CECR2: variants seen among roughly 807,000 people sequenced by gnomAD.
The protein encoded by CECR2 is CECR2 histone acetyl-lysine reader.
CECR2 carries 30 observed loss-of-function variants against 154.5 expected under a neutral mutation model. The observed-to-expected ratio is 0.19, with a 90% CI of 0.15 to 0.26. CECR2 has a LOEUF of 0.26. Among genes scored for constraint, CECR2 ranks in the 10% least tolerant of loss-of-function variants. CECR2 has a pLI of 1.00. For missense variants in CECR2, 1,743 were observed against 1,829.3 expected (o/e 0.95, Z 0.86); for synonymous variants, 725 against 683.7 (o/e 1.06, Z -0.94).
rs10558473 is a variant in CECR2 at position 17,495,861 on chromosome 22, CAAAAAAA to C, written c.222-1524_222-1518del. On this transcript the variant is annotated intron_variant, in intron 2 of 18. Coordinates refer to ENST00000262608, the MANE Select transcript of CECR2 (RefSeq NM_001290047.2). The stretch of plus-strand genomic sequence containing the variant: ...TGGGTGACAGAGCAAGACTCTGTCT[CAAAAAAA>C]AAAAAAAAAAAAAAAAAGGTATTTA... 2.7e-4 allele frequency among the ~76,000 whole-genome samples: 18 copies of C among 67,220 alleles called. No homozygotes were observed. The East Asian group carries it at 4.1e-3, about 15-fold the overall frequency. 44.1% of individuals were successfully genotyped at this position (67,220 alleles called of 152,430 possible).
rs183678514 is a variant in CECR2 at position 17,446,109 on chromosome 22, C to G, written c.127-31479C>G. On this transcript the variant is annotated intron_variant, in intron 1 of 18. Coordinates refer to ENST00000262608, the MANE Select transcript of CECR2 (RefSeq NM_001290047.2). The stretch of plus-strand genomic sequence containing the variant: ...GGAGCTTGTTTACAGATACCTCACT[C>G]CAGACCTAGATGAATCAAAATAGCC... Among the ~76,000 whole-genome samples, 92 of 152,196 alleles carry G rather than the reference C, an allele frequency of 6.0e-4. 2 individuals carry two copies. The Middle Eastern group carries it at 0.014, about 23-fold the overall frequency.
chr22:17,504,099 C>T (rs2146894624), intron 6 of CECR2, among the ~76,000 whole-genome samples: 1 of 117,458 alleles, frequency 8.5e-6, no homozygotes, highest in Middle Eastern at 5.7e-3. Context: ...AGGCCAGGTG[C>T]AGTGGCTCAC....
At chr22:17,520,400 T>A (rs899457274) in intron 8 of CECR2, among the ~76,000 whole-genome samples, 1 of 152,144 alleles carries the variant, frequency 6.6e-6, no homozygotes, top group Non-Finnish European at 1.5e-5. Context: ...GGCTCAGGTT[T>A]TTTTTTTATT....
chr22:17,523,755 CAA>C (rs66963477), intron 8 of CECR2, among the ~76,000 whole-genome samples: 17,971 of 100,610 alleles, frequency 0.18, 961 homozygotes, highest in Non-Finnish European at 0.22. Flanking sequence ...GACTCTATCT[CAA>C]AAAAAAAAAA....
chr22:17,468,524 T>G (rs2055070495), intron 1 of CECR2, among the ~76,000 whole-genome samples: 1 of 151,888 alleles, frequency 6.6e-6, no homozygotes, highest in Non-Finnish European at 1.5e-5. Context: ...TACAAAAGAT[T>G]TTTTTTTAAT....
At chr22:17,383,862 AG>A (rs2063229440) in intron 1 of CECR2, among the ~76,000 whole-genome samples, 1 of 152,016 alleles carries the variant, frequency 6.6e-6, no homozygotes, top group Non-Finnish European at 1.5e-5. Flanking sequence ...TACTATAGAC[AG>A]GGTTTCACTA....
chr22:17,407,155 C>T lies in CECR2; in HGVS notation c.126+37246C>T, dbSNP rs544422318. Among the ~76,000 whole-genome samples, 101 of 152,314 alleles carry T rather than the reference C, an allele frequency of 6.6e-4. 1 individual carries two copies. In the Middle Eastern group the frequency reaches 0.02, roughly 31 times the overall value. On this transcript the variant is annotated intron_variant, in intron 1 of 18. Coordinates refer to ENST00000262608, the MANE Select transcript of CECR2 (RefSeq NM_001290047.2). ...ATAGAAACTTAAGATAAACTCTTTT[C>T]ATAGCCACTTACTGACTTTGAGGAG...
chr22:17,492,963 CTTTATATTTTAT>C, intron 2 of CECR2, among the ~76,000 whole-genome samples: 1 of 151,942 alleles, frequency 6.6e-6, no homozygotes, highest in Non-Finnish European at 1.5e-5. Flanking sequence ...TTTTATTTTA[CTTTATATTTTAT>C]TTTATTTTAT....
intron 1 of CECR2, among the ~76,000 whole-genome samples, chr22:17,416,461 T>A (rs1460062419): frequency 6.6e-6 from 1 of 152,180 alleles, no homozygotes; most frequent in Non-Finnish European, 1.5e-5. Context: ...AAATAGGGTA[T>A]GTTGGTTAGG....
intron 9 of CECR2, among the ~76,000 whole-genome samples, chr22:17,530,402 G>A (rs550336949): frequency 5.9e-4 from 89 of 151,988 alleles, no homozygotes; most frequent in African/African-American, 2.1e-3. Context: ...GGCCAGGCGC[G>A]GTGGCTCACG....
intron 7 of CECR2, among the ~76,000 whole-genome samples, chr22:17,509,110 G>C (rs962703893): frequency 6.6e-6 from 1 of 152,180 alleles, no homozygotes; most frequent in Non-Finnish European, 1.5e-5. Context: ...AATTAGTCAG[G>C]CATGGTGATG....
chr22:17,553,205 C>A lies in CECR2; in HGVS notation c.*365C>A. 4.9e-6 allele frequency: 1 copy of A among 203,120 alleles called. No homozygotes were observed. The allele number at this position is 203,120 out of a possible 1,614,324, so 12.6% of individuals were successfully genotyped here. A position where few individuals can be genotyped will look rare whatever the true frequency, so the allele number is the denominator to read the frequency against. ...TCAAGAATGGAGTGGTGCTTTTAAA[C>A]TTTGATGAGCAGCTAAACTCAGGTA... On this transcript the variant is annotated 3_prime_UTR_variant, in exon 19 of 19. Transcript: ENST00000262608.
rs1378092326 is a variant in CECR2, at chr22:17,504,843, C to T, written c.701-4C>T. The T allele has an allele frequency of 2.5e-6, 4 of 1,610,462 alleles. No individual in the cohort carries two copies. The highest frequency in any genetic ancestry group is 3.4e-6 in the Non-Finnish European group (4 of 1,178,780). On this transcript the variant is annotated splice_polypyrimidine_tract_variant and splice_region_variant and intron_variant, in intron 6 of 18. Transcript: ENST00000262608. ...TGTAGTGAATCCGTTCCTTTATTTTCTAGGGTCCCAAGGGCCAGGCCAAGG... is the reference window on the plus strand; with the variant it reads ...TGTAGTGAATCCGTTCCTTTATTTTTTAGGGTCCCAAGGGCCAGGCCAAGG...
intron 9 of CECR2, among the ~76,000 whole-genome samples, chr22:17,529,360 C>T (rs957481881): frequency 6.6e-6 from 1 of 152,070 alleles, no homozygotes; most frequent in African/African-American, 2.4e-5. Context: ...TGAGTCCTAC[C>T]AGGTAGCCCA....
chr22:17,415,033 A>G (rs73153498), intron 1 of CECR2, among the ~76,000 whole-genome samples: 20,493 of 152,216 alleles, frequency 0.13, 1,516 homozygotes, highest in African/African-American at 0.19. Flanking sequence ...TACTTGGGGC[A>G]TAGGAGTATG....
At chr22:17,515,610 G>T (rs174295) in intron 8 of CECR2, among the ~76,000 whole-genome samples, 1 of 151,932 alleles carries the variant, frequency 6.6e-6, no homozygotes, top group Non-Finnish European at 1.5e-5. Context: ...AGATTTAAGC[G>T]TGTGAACATG....
At chr22:17,386,676 G>A (rs1178262539) in intron 1 of CECR2, among the ~76,000 whole-genome samples, 2 of 149,120 alleles carry the variant, frequency 1.3e-5, no homozygotes, top group East Asian at 1.9e-4. Context: ...TTTTTGAGAC[G>A]GAGTTTCACT....
rs2055769430 is a variant in CECR2 at position 17,503,116 on chromosome 22, C to T, written c.685C>T (p.Pro229Ser). Reference sequence around the variant, plus strand: ...GGAAGAAAATTCCTTGGCATCCGAGCCACAGACAAGACATGGTAATGTTCT... The same window carrying T: ...GGAAGAAAATTCCTTGGCATCCGAGTCACAGACAAGACATGGTAATGTTCT... Reference protein sequence around the residue: ...KQEENSLASEPQTRHGSQGPG... With the variant: ...KQEENSLASESQTRHGSQGPG... The change falls in exon 6 of 19, where the codon CCA (proline) becomes TCA (serine). Residue 229 changes from proline (P) to serine (S), a missense_variant. Coordinates refer to ENST00000262608, the MANE Select transcript of CECR2 (RefSeq NM_001290047.2). 1.9e-6 allele frequency: 3 copies of T among 1,612,340 alleles called. No individual in the cohort carries two copies. Among genetic ancestry groups the T allele is most frequent in the Non-Finnish European group, 2.5e-6 (3 of 1,179,122 alleles).
At chr22:17,519,292 G>GTTTT (rs80083383) in intron 8 of CECR2, among the ~76,000 whole-genome samples, 2 of 114,660 alleles carry the variant, frequency 1.7e-5, no homozygotes, top group African/African-American at 6.3e-5. Context: ...GGTGTTTTGT[G>GTTTT]TTTTTTTTTT....
Sources: gnomAD v4.1 joint callset for allele counts (sites outside exome capture counted in the v4.1 genomes callset) on GRCh38, gnomAD v4.1.1 for gene constraint, MANE v1.5 for transcripts, NCBI Gene and HGNC (gene_info 2026-07-23, HGNC 2026-07-21) for gene names.